Variants in NCOA1 observed in about 807,000 individuals in gnomAD.
The protein encoded by NCOA1 is Hin-2 protein.
In NCOA1, 35 loss-of-function variants were observed where a neutral mutation model predicts 150.9. The observed-to-expected ratio is 0.23, with a 90% CI of 0.18 to 0.31. The LOEUF is 0.31. Among genes scored for constraint, NCOA1 ranks in the 10% least tolerant of loss-of-function variants. The probability of loss-of-function intolerance (pLI) is 1.00; values close to 1 mark genes in which losing one functional copy is unlikely to be tolerated. For missense variants in NCOA1, 1,491 were observed against 1,749.3 expected (o/e 0.85, Z 2.63); for synonymous variants, 590 against 630.0 (o/e 0.94, Z 0.95).
chr2:24,703,574 T>C (rs940526922), intron 11 of NCOA1, among the ~76,000 whole-genome samples: 7 of 152,232 alleles, frequency 4.6e-5, no homozygotes, highest in Non-Finnish European at 1.0e-4. Flanking sequence ...GCCAGTGATT[T>C]AGCTGAAATT....
chr2:24,592,045 T>C (rs995698870), intron 3 of NCOA1, among the ~76,000 whole-genome samples: 1 of 152,226 alleles, frequency 6.6e-6, no homozygotes, highest in Admixed American at 6.5e-5. Context: ...TATTGTGATA[T>C]ATCCAGTGTC....
In NCOA1 at chr2:24,740,658, T is replaced by C. The variant is rs933003635; in HGVS notation, c.3303+1125T>C. 2.5e-4 allele frequency among the ~76,000 whole-genome samples: 38 copies of C among 152,216 alleles called. 1 individual carries two copies. On this transcript the variant is annotated intron_variant, in intron 18 of 22. Transcript: ENST00000348332. ...TGAAGTTGTTGGTAAGCAGCAGATA[T>C]TGACATCTTCATGGATCCAGATTTC...
chr2:24,742,726 T>C (rs1663673136), intron 19 of NCOA1, among the ~76,000 whole-genome samples: 2 of 152,138 alleles, frequency 1.3e-5, no homozygotes, highest in South Asian at 2.1e-4. Flanking sequence ...CCCATTCTCT[T>C]ATTTTTTAAT....
At chr2:24,734,344 T>G (rs1437976008) in intron 17 of NCOA1, among the ~76,000 whole-genome samples, 1 of 152,144 alleles carries the variant, frequency 6.6e-6, no homozygotes, top group East Asian at 1.9e-4. Context: ...TGTTCCAAAT[T>G]CAATCAGTAA....
rs189280854 is a variant in NCOA1 at position 24,549,228 on chromosome 2, C to T, written c.-395-15067C>T. The stretch of plus-strand genomic sequence containing the variant: ...GCTGCTAAGGCTTGGGGCTTGCACC[C>T]TCTGAAACAACAGCCTGAGTTGTAC... On this transcript the variant is annotated intron_variant, in intron 1 of 22. Transcript: ENST00000348332. 7.2e-5 allele frequency among the ~76,000 whole-genome samples: 11 copies of T among 152,372 alleles called. No individual in the cohort carries two copies. In the East Asian group the frequency reaches 2.1e-3, roughly 29 times the overall value.
chr2:24,592,912 C>A (rs982098174), intron 3 of NCOA1, among the ~76,000 whole-genome samples: 2 of 152,072 alleles, frequency 1.3e-5, no homozygotes, highest in East Asian at 1.9e-4. Context: ...TTCACCTGAA[C>A]CTACCCTGTC....
At chr2:24,629,484 T>G (rs1669587226) in intron 3 of NCOA1, among the ~76,000 whole-genome samples, 1 of 150,794 alleles carries the variant, frequency 6.6e-6, no homozygotes. Flanking sequence ...TTTGGGTTTT[T>G]TTTTTTTTTT....
chr2:24,568,222 T>G (rs1666592428), intron 2 of NCOA1, among the ~76,000 whole-genome samples: 1 of 152,196 alleles, frequency 6.6e-6, no homozygotes, highest in African/African-American at 2.4e-5. Context: ...TTTTGTTGTT[T>G]TGGGGGATAA....
chr2:24,498,019 T>G (rs1434516406), intron 1 of NCOA1, among the ~76,000 whole-genome samples: 2 of 152,254 alleles, frequency 1.3e-5, no homozygotes, highest in African/African-American at 4.8e-5. Context: ...GGTATTCTAT[T>G]GTGAATGTAT....
At chr2:24,675,208 T>G (rs1671853198) in intron 7 of NCOA1, among the ~76,000 whole-genome samples, 1 of 152,242 alleles carries the variant, frequency 6.6e-6, no homozygotes, top group Non-Finnish European at 1.5e-5. Context: ...GAATTACATA[T>G]ATGAAATCAG....
rs1670352017 is a variant in NCOA1, at chr2:24,644,030, T to A, written c.-110T>A. The A allele has an allele frequency of 6.6e-6, 1 of 152,188 alleles. No homozygotes were observed. Among genetic ancestry groups the A allele is most frequent in the African/African-American group, 2.4e-5 (1 of 41,452 alleles). 9.4% of individuals were successfully genotyped at this position (152,188 alleles called of 1,614,324 possible). ...AGACTAGAGCCATCTCTGGAAAACATCATTATCCCATTCCCCGGGAAGCTA... is the reference window on the plus strand; with the variant it reads ...AGACTAGAGCCATCTCTGGAAAACAACATTATCCCATTCCCCGGGAAGCTA... On this transcript the variant is annotated 5_prime_UTR_variant, in exon 4 of 23. Transcript: ENST00000348332.
chr2:24,600,032 T>C (rs74963725), intron 3 of NCOA1, among the ~76,000 whole-genome samples: 99 of 152,072 alleles, frequency 6.5e-4, no homozygotes, highest in African/African-American at 2.3e-3. Context: ...CGATTAATCA[T>C]TTTTATATGC....
At chr2:24,607,080 A>G (rs955308178) in intron 3 of NCOA1, among the ~76,000 whole-genome samples, 1 of 152,110 alleles carries the variant, frequency 6.6e-6, no homozygotes. Context: ...AAGTGGTACT[A>G]TTTAATTTTG....
intron 1 of NCOA1, among the ~76,000 whole-genome samples, chr2:24,528,885 TTTTG>T (rs891528663): frequency 5.3e-5 from 8 of 151,756 alleles, no homozygotes; most frequent in South Asian, 2.1e-4. Context: ...TGATGAAGAG[TTTTG>T]TTTGTTTGTT....
intron 1 of NCOA1, among the ~76,000 whole-genome samples, chr2:24,563,864 C>T (rs988995515): frequency 7.9e-5 from 12 of 152,138 alleles, no homozygotes; most frequent in South Asian, 2.1e-4. Context: ...TGGCCTAGGA[C>T]GGAATAATAG....
intron 3 of NCOA1, among the ~76,000 whole-genome samples, chr2:24,598,554 G>A (rs973460321): frequency 6.6e-6 from 1 of 152,094 alleles, no homozygotes; most frequent in African/African-American, 2.4e-5. Flanking sequence ...TGCATATATG[G>A]AGTTGGCAGA....
chr2:24,511,929 G>A (rs1309802028), intron 1 of NCOA1, among the ~76,000 whole-genome samples: 2 of 151,960 alleles, frequency 1.3e-5, no homozygotes, highest in South Asian at 4.2e-4. Context: ...GGGGACAAAA[G>A]CTCATTATAT....
chr2:24,666,556 G>A (rs1671438679), intron 6 of NCOA1, among the ~76,000 whole-genome samples: 1 of 152,012 alleles, frequency 6.6e-6, no homozygotes, highest in Admixed American at 6.6e-5. Context: ...AGTTCTTTAG[G>A]ACAGTAACTC....
In NCOA1 at chr2:24,706,692, C is replaced by T. The variant is rs764641747; in HGVS notation, c.1222C>T (p.Pro408Ser). ...TGTGGCTCGTTCATCCACATTGCCA[C>T]CATCCAACAGCAACATGGTATCCAC... ...HGVARSSTLP[P>S]SNSNMVSTRI... Residue 408 changes from proline (P) to serine (S), a missense_variant, in exon 13 of 23, where the codon CCA becomes TCA. This residue lies in a region of NCOA1 where 703 missense variants were observed against 717.7 expected (regional missense o/e 0.98). Coordinates refer to ENST00000348332, the MANE Select transcript of NCOA1 (RefSeq NM_003743.5). 3 of 1,614,138 alleles carry T rather than the reference C, an allele frequency of 1.9e-6. No individual in the cohort carries two copies. Among genetic ancestry groups the T allele is most frequent in the African/African-American group, 1.3e-5 (1 of 75,028 alleles).
Sources: gnomAD v4.1 joint callset for allele counts (sites outside exome capture counted in the v4.1 genomes callset) on GRCh38, gnomAD v4.1.1 for gene constraint, gnomAD v4.1.1 regional missense constraint, MANE v1.5 for transcripts, NCBI Gene and HGNC (gene_info 2026-07-23, HGNC 2026-07-21) for gene names.